WASF3: variants seen among roughly 807,000 people sequenced by gnomAD.
WASF3 encodes WASP family member 3.
WASF3 carries 11 observed loss-of-function variants against 46.6 expected under a neutral mutation model. That is an observed-to-expected ratio of 0.24 (90% confidence interval 0.15 to 0.39). WASF3 has a LOEUF of 0.39. WASF3 is among the 10% of genes least tolerant of loss of function. The probability of loss-of-function intolerance (pLI) is 1.00; values close to 1 mark genes in which losing one functional copy is unlikely to be tolerated. For missense variants in WASF3, 576 were observed against 669.8 expected (o/e 0.86, Z 1.55); for synonymous variants, 242 against 259.7 (o/e 0.93, Z 0.65).
At chr13:26,664,093 C>T (rs1882705205) in intron 3 of WASF3, among the ~76,000 whole-genome samples, 1 of 152,144 alleles carries the variant, frequency 6.6e-6, no homozygotes, top group Non-Finnish European at 1.5e-5. Context: ...GCAAAGAGTA[C>T]AGAAAGTGGC....
At chr13:26,609,745 G>T (rs1455767399) in intron 1 of WASF3, among the ~76,000 whole-genome samples, 35 of 152,104 alleles carry the variant, frequency 2.3e-4, no homozygotes, top group Non-Finnish European at 1.5e-5. Flanking sequence ...GATTTTAGCG[G>T]GGAGAGGTCC....
At chr13:26,560,705 T>C (rs929630151) in intron 1 of WASF3, among the ~76,000 whole-genome samples, 4 of 152,194 alleles carry the variant, frequency 2.6e-5, no homozygotes, top group Non-Finnish European at 5.9e-5. Context: ...AATCCATTCA[T>C]TCATTTGCTT....
chr13:26,648,919 C>G (rs941811444), intron 3 of WASF3, among the ~76,000 whole-genome samples: 2 of 152,130 alleles, frequency 1.3e-5, no homozygotes, highest in African/African-American at 4.8e-5. Context: ...GTCAGAAATA[C>G]TTTCTTAAGG....
At chr13:26,623,753 C>T (rs1286763309) in intron 2 of WASF3, among the ~76,000 whole-genome samples, 3 of 152,086 alleles carry the variant, frequency 2.0e-5, no homozygotes, top group African/African-American at 4.8e-5. Context: ...CACCTGGTAA[C>T]GTAGCAATAA....
At chr13:26,559,625 A>G (rs368025253) in intron 1 of WASF3, among the ~76,000 whole-genome samples, 4 of 152,132 alleles carry the variant, frequency 2.6e-5, no homozygotes, top group African/African-American at 9.7e-5. Flanking sequence ...GATTAAAACA[A>G]TTGCGTTATA....
chr13:26,629,146 A>G (rs2137257305), intron 2 of WASF3, among the ~76,000 whole-genome samples: 1 of 152,360 alleles, frequency 6.6e-6, no homozygotes, highest in African/African-American at 2.4e-5. Flanking sequence ...GGGGTCCATC[A>G]GGCTGATAAT....
chr13:26,639,511 A>G (rs1881930693), intron 2 of WASF3, among the ~76,000 whole-genome samples: 1 of 152,182 alleles, frequency 6.6e-6, no homozygotes, highest in Admixed American at 6.5e-5. Context: ...TCCCAAATTC[A>G]GGCAGCTCAT....
intron 1 of WASF3, among the ~76,000 whole-genome samples, chr13:26,578,857 A>G (rs1170898475): frequency 3.9e-5 from 6 of 152,108 alleles, no homozygotes; most frequent in Non-Finnish European, 7.4e-5. Flanking sequence ...TAACAAATCA[A>G]CAGTCATGAA....
intron 1 of WASF3, among the ~76,000 whole-genome samples, chr13:26,565,099 G>C (rs1277249050): frequency 2.0e-5 from 3 of 150,042 alleles, no homozygotes; most frequent in African/African-American, 7.4e-5. Flanking sequence ...ATCTCGGCTT[G>C]AAACCGGGAG....
At chr13:26,555,785 T>A (rs1370915229), upstream of WASF3, among the ~76,000 whole-genome samples, 1 of 152,220 alleles carries the variant, frequency 6.6e-6, no homozygotes, top group African/African-American at 2.4e-5. Flanking sequence ...GGTTTTGTGA[T>A]AAGAAGCACT....
At chr13:26,585,415 G>T (rs1397494864) in intron 1 of WASF3, among the ~76,000 whole-genome samples, 1 of 151,718 alleles carries the variant, frequency 6.6e-6, no homozygotes, top group East Asian at 1.9e-4. Flanking sequence ...ATGGTTAGCT[G>T]TGCTTTCCTT....
the WASF3 span, among the ~76,000 whole-genome samples, chr13:26,548,379 A>T: frequency 2.6e-3 from 401 of 152,316 alleles, 3 homozygotes; most frequent in African/African-American, 9.4e-3. Context: ...TATCCCTGAG[A>T]CATGTCCCAC....
chr13:26,668,260 GCT>G (rs1415448295), intron 5 of WASF3, among the ~76,000 whole-genome samples: 1 of 152,148 alleles, frequency 6.6e-6, no homozygotes, highest in Non-Finnish European at 1.5e-5. Flanking sequence ...AACTAAAAAT[GCT>G]CTTTCTAAAC....
chr13:26,574,685 A>G (rs1879739906), intron 1 of WASF3, among the ~76,000 whole-genome samples: 1 of 152,122 alleles, frequency 6.6e-6, no homozygotes, highest in South Asian at 2.1e-4. Flanking sequence ...ATTGTGTTAA[A>G]TTACTGTCTG....
chr13:26,610,700 G>A (rs1880947308), intron 1 of WASF3, among the ~76,000 whole-genome samples: 1 of 152,192 alleles, frequency 6.6e-6, no homozygotes, highest in African/African-American at 2.4e-5. Flanking sequence ...GGAGAGCACT[G>A]TCAGCACCAT....
intron 2 of WASF3, among the ~76,000 whole-genome samples, chr13:26,634,293 G>T (rs1339264063): frequency 6.6e-6 from 1 of 152,160 alleles, no homozygotes; most frequent in Admixed American, 6.5e-5. Context: ...TGTTTTATCA[G>T]AGACTAGGAT....
In WASF3 at chr13:26,688,383, C is replaced by T. The variant is rs1003240310; in HGVS notation, c.*2538C>T. 3 of 152,152 alleles carry T rather than the reference C, an allele frequency of 2.0e-5. No individual in the cohort carries two copies. The highest frequency in any genetic ancestry group is 3.2e-3 in the Middle Eastern group (1 of 316). 9.4% of individuals were successfully genotyped at this position (152,152 alleles called of 1,614,324 possible). On this transcript the variant is annotated 3_prime_UTR_variant, in exon 10 of 10. Coordinates refer to ENST00000335327, the MANE Select transcript of WASF3 (RefSeq NM_006646.6). ...TGTAAGGTAATTTTAAATTGTCCCT[C>T]GTATTATTTCTCCACGTCTGTTTTA...
chr13:26,644,504 A>G (rs1224619662), intron 3 of WASF3, among the ~76,000 whole-genome samples: 3 of 152,190 alleles, frequency 2.0e-5, no homozygotes, highest in Admixed American at 6.5e-5. Flanking sequence ...TGGCTTCTCT[A>G]TCAGAGTCAC....
intron 3 of WASF3, among the ~76,000 whole-genome samples, chr13:26,650,265 A>G (rs1167328638): frequency 6.6e-6 from 1 of 152,154 alleles, no homozygotes; most frequent in Non-Finnish European, 1.5e-5. Context: ...CCCCAGGCTC[A>G]CTAGAAGACT....
Sources: allele counts gnomAD v4.1 joint callset (sites outside exome capture counted in the v4.1 genomes callset), GRCh38; gene constraint gnomAD v4.1.1; transcripts MANE v1.5; gene names NCBI Gene and HGNC (gene_info 2026-07-23, HGNC 2026-07-21).